C6: variants seen among roughly 807,000 people sequenced by gnomAD.
The protein encoded by C6 is complement C6, also known as complement component C6.
In C6, 101 loss-of-function variants were observed where a neutral mutation model predicts 112.9. That is an observed-to-expected ratio of 0.89 (90% CI 0.76 to 1.06). C6 has a LOEUF of 1.06. Among genes scored for constraint, C6 ranks in the 50% least tolerant of loss-of-function variants. The probability of loss-of-function intolerance (pLI) is 0.00; values close to 1 mark genes in which losing one functional copy is unlikely to be tolerated. For missense variants in C6, 1,202 were observed against 1,104.6 expected (o/e 1.09, Z -1.25); for synonymous variants, 431 against 384.1 (o/e 1.12, Z -1.43).
At chr5:41,150,844 GC>G (rs35471526) in intron 15 of C6, among the ~76,000 whole-genome samples, 30,965 of 148,372 alleles carry the variant, frequency 0.21, 3,431 homozygotes, top group South Asian at 0.33. Flanking sequence ...CCGAGATTGT[GC>G]CACTGCACCC....
In C6 at chr5:41,201,785, T is replaced by G. The variant is rs542031441; in HGVS notation, c.144-71A>C. On this transcript the variant is annotated intron_variant, in intron 2 of 17. Coordinates refer to ENST00000337836, the MANE Select transcript of C6 (RefSeq NM_000065.5). ...TATATCCTGCTCCATAATCAAAGTA[T>G]CATTGAGCATTAACTACAATAAATA... 2.6e-4 allele frequency: 339 copies of G among 1,326,638 alleles called. 2 individuals carry two copies. The East Asian group carries it at 6.3e-3, about 25-fold the overall frequency. The allele number at this position is 1,326,638 out of a possible 1,614,324, so 82.2% of individuals were successfully genotyped here.
chr5:41,226,649 TTGC>T (rs1739524054), intron 1 of C6, among the ~76,000 whole-genome samples: 1 of 152,128 alleles, frequency 6.6e-6, no homozygotes, highest in African/African-American at 2.4e-5. Flanking sequence ...ACCATTCTAG[TTGC>T]TGCTTCTGCG....
chr5:41,225,808 A>G (rs1465907652), intron 1 of C6, among the ~76,000 whole-genome samples: 1 of 152,200 alleles, frequency 6.6e-6, no homozygotes, highest in African/African-American at 2.4e-5. Context: ...CATATCTACA[A>G]CTATCTGATC....
intron 1 of C6, among the ~76,000 whole-genome samples, chr5:41,208,842 A>C (rs1415175169): frequency 6.6e-6 from 1 of 152,126 alleles, no homozygotes; most frequent in Admixed American, 6.6e-5. Flanking sequence ...ATCAATAGAA[A>C]AAGAGGGAAT....
intron 17 of C6, among the ~76,000 whole-genome samples, chr5:41,148,048 T>C (rs1378345158): frequency 6.6e-6 from 1 of 152,192 alleles, no homozygotes; most frequent in African/African-American, 2.4e-5. Context: ...AGCCAACATA[T>C]TGTATCAATA....
At chr5:41,154,768 A>G (rs1443340689) in intron 14 of C6, among the ~76,000 whole-genome samples, 2 of 152,218 alleles carry the variant, frequency 1.3e-5, no homozygotes, top group Non-Finnish European at 2.9e-5. Flanking sequence ...AGGTAGGAGC[A>G]GGAACACTGA....
intron 5 of C6, among the ~76,000 whole-genome samples, chr5:41,190,036 A>G (rs189470109): frequency 1.1e-4 from 17 of 152,238 alleles, no homozygotes; most frequent in Admixed American, 2.6e-4. Context: ...CTGATTCCAT[A>G]TGTTGGTTAT....
Position 41,155,086 on chromosome 5 carries a change from A to C in C6, c.1987T>G (p.Leu663Val). 1 of 1,613,582 alleles carries C rather than the reference A, an allele frequency of 6.2e-7. No individual in the cohort carries two copies. The highest frequency in any genetic ancestry group is 8.5e-7 in the Non-Finnish European group (1 of 1,179,634). ...GAAATTTCAACATCTTCTCCAACCA[A>C]GTATAGTTGCTTTTCATTCTTAATT... The part of the protein sequence containing the change: ...GFIRNEKQLY[L>V]VGEDVEISCL... Residue 663 changes from leucine (L) to valine (V), a missense_variant, in exon 14 of 18, where the codon TTG (leucine) becomes GTG (valine). Physicochemically the swap from Leu to Val is conservative, Grantham distance 32 (BLOSUM62 1). Coordinates refer to ENST00000337836, the MANE Select transcript of C6 (RefSeq NM_000065.5).
At chr5:41,186,384 G>A in intron 5 of C6, 176 bp from the exon 6 acceptor site, 1 of 652,266 alleles carries the variant, frequency 1.5e-6, no homozygotes, top group Middle Eastern at 4.3e-4. Context: ...ATGCAAGGAA[G>A]CTGGAAAGCC....
At chr5:41,187,699 T>TACAC (rs201227440) in intron 5 of C6, among the ~76,000 whole-genome samples, 26,854 of 123,042 alleles carry the variant, frequency 0.22, 2,663 homozygotes, top group South Asian at 0.32. Context: ...GACACACACA[T>TACAC]ACACACACAC....
At chr5:41,148,402 G>A (rs961811649) in intron 17 of C6, among the ~76,000 whole-genome samples, 1 of 152,146 alleles carries the variant, frequency 6.6e-6, no homozygotes, top group East Asian at 1.9e-4. Context: ...TAGTATATAC[G>A]GGGCCACTCC....
At chr5:41,241,115 A>T (rs1327963236) in intron 1 of C6, among the ~76,000 whole-genome samples, 6 of 152,124 alleles carry the variant, frequency 3.9e-5, no homozygotes, top group Non-Finnish European at 8.8e-5. Flanking sequence ...TGGTGGGCAA[A>T]GTGGGGCAAT....
intron 9 of C6, among the ~76,000 whole-genome samples, chr5:41,162,526 C>A (rs1308633305): frequency 4.6e-5 from 7 of 152,194 alleles, no homozygotes; most frequent in Non-Finnish European, 1.0e-4. Context: ...TATAGCACAA[C>A]TCTTTTATAC....
intron 13 of C6, 81 bp from the exon 14 acceptor site, chr5:41,155,185 T>C: frequency 7.6e-7 from 1 of 1,323,946 alleles, no homozygotes; most frequent in African/African-American, 1.4e-5. Flanking sequence ...TGATCCTTTC[T>C]ATCCTTCACT....
In C6 at chr5:41,255,640, C is replaced by A. The variant is rs529208229; in HGVS notation, c.-21+5554G>T. 2.0e-5 allele frequency among the ~76,000 whole-genome samples: 3 copies of A among 152,196 alleles called. No homozygotes were observed. In the East Asian group the frequency reaches 5.8e-4, roughly 30 times the overall value. ...CTACAATATGCATTCTTATACCTGC[C>A]CTGATTGGCTTTTGATTTTTGTGGT... On this transcript the variant is annotated intron_variant, in intron 1 of 17. Coordinates refer to the C6 transcript ENST00000263413.
In C6 at chr5:41,174,570, T is replaced by G. The variant is rs576019455; in HGVS notation, c.1168+1905A>C. On this transcript the variant is annotated intron_variant, in intron 8 of 17. Transcript: ENST00000337836. ...CTGTGTTTATGAAACTCTTTTCACC[T>G]TGCACACTGAAGCAATGCCAACTTT... Among the ~76,000 whole-genome samples the G allele has an allele frequency of 2.8e-3, 423 of 152,348 alleles. 3 individuals are homozygous for G. The highest frequency in any genetic ancestry group is 9.8e-3 in the African/African-American group (408 of 41,588).
intron 13 of C6, among the ~76,000 whole-genome samples, chr5:41,155,974 C>G (rs899133780): frequency 6.6e-6 from 1 of 151,556 alleles, no homozygotes; most frequent in African/African-American, 2.4e-5. Flanking sequence ...ACCCATTGGT[C>G]ATTATATATT....
At chr5:41,157,040 C>T (rs1746981473) in intron 13 of C6, among the ~76,000 whole-genome samples, 1 of 152,130 alleles carries the variant, frequency 6.6e-6, no homozygotes, top group South Asian at 2.1e-4. Context: ...TGGAATTAGG[C>T]ATATCTGCCT....
chr5:41,148,703 G>C lies in C6; in HGVS notation c.2623+538C>G, dbSNP rs529606541. Reference sequence around the variant, plus strand: ...AGGAGAAGCAGTAGAGAGCTGGAAAGTATAACAGTGCCTGGGTTCATGTGG... The same window carrying C: ...AGGAGAAGCAGTAGAGAGCTGGAAACTATAACAGTGCCTGGGTTCATGTGG... On this transcript the variant is annotated intron_variant, in intron 17 of 17. Transcript: ENST00000337836. 2.0e-5 allele frequency among the ~76,000 whole-genome samples: 3 copies of C among 152,304 alleles called. No homozygotes were observed. In the East Asian group the frequency reaches 5.8e-4, roughly 29 times the overall value.
Sources: gnomAD v4.1 joint callset for allele counts (sites outside exome capture counted in the v4.1 genomes callset) on GRCh38, gnomAD v4.1.1 for gene constraint, MANE v1.5 for transcripts, NCBI Gene and HGNC (gene_info 2026-07-23, HGNC 2026-07-21) for gene names.